Variants in SLC22A12 observed in about 807,000 individuals in gnomAD.
The protein encoded by SLC22A12 is solute carrier family 22 member 12.
SLC22A12 carries 56 observed loss-of-function variants against 52.7 expected under a neutral mutation model. The observed-to-expected ratio is 1.06, with a 90% CI of 0.86 to 1.33. The LOEUF is 1.33. Ranked by LOEUF, SLC22A12 falls within the 40% of genes most tolerant of loss-of-function variation. The pLI is 0.00. For missense variants in SLC22A12, 683 were observed against 741.5 expected (o/e 0.92, Z 0.92); for synonymous variants, 337 against 324.6 (o/e 1.04, Z -0.41).
At chr11:64,596,276 A>ATGGGATGGATGGATGGATGGATGGATGGT (rs2039230030) in intron 4 of SLC22A12, among the ~76,000 whole-genome samples, 1 of 119,180 alleles carries the variant, frequency 8.4e-6, no homozygotes, top group Non-Finnish European at 1.7e-5. Flanking sequence ...GGATGGATGG[A>ATGGGATGGATGGATGGATGGATGGATGGT]TGGATGGATG....
At position 64,599,775 on chromosome 11, in the gene SLC22A12, C is replaced by T. The variant is rs565805457; in HGVS notation, c.1170C>T (p.Ile390=). 6.2e-7 allele frequency: 1 copy of T among 1,612,944 alleles called. No homozygotes were observed. Residue 390 remains isoleucine, a synonymous_variant, in exon 7 of 10, where the codon ATC becomes ATT. Transcript: ENST00000377574. ...AAATGTTCATTGGTGTCGTGGACATCCCAGCCAAGATGGGCGCCCTGCTGC... is the reference window on the plus strand; with the variant it reads ...AAATGTTCATTGGTGTCGTGGACATTCCAGCCAAGATGGGCGCCCTGCTGC... The part of the protein sequence containing the change: ...LLQMFIGVVD[I]PAKMGALLLL...
chr11:64,601,553 C>T lies in SLC22A12; in HGVS notation c.*2C>T, dbSNP rs1565143007. ...GTCCTAAAATCCACACAGTTTTAGC[C>T]TCCTGGGGAACCTGCGATGGGACGG... On this transcript the variant is annotated 3_prime_UTR_variant, in exon 10 of 10. Coordinates refer to ENST00000377574, the MANE Select transcript of SLC22A12 (RefSeq NM_144585.4). 6.2e-7 allele frequency: 1 copy of T among 1,613,906 alleles called. No individual in the cohort carries two copies. Among genetic ancestry groups the T allele is most frequent in the Non-Finnish European group, 8.5e-7 (1 of 1,179,916 alleles).
chr11:64,598,824 T>C lies in SLC22A12; in HGVS notation c.971T>C (p.Met324Thr), dbSNP rs755277288. 3 of 1,612,514 alleles carry C rather than the reference T, an allele frequency of 1.9e-6. No homozygotes were observed. Among genetic ancestry groups the C allele is most frequent in the East Asian group, 4.5e-5 (2 of 44,868 alleles). ...TLTPEVLLSA[M>T]REELSMGQPP... Reference sequence around the variant, plus strand: ...CCTCCACAGGTCTTGCTTTCAGCCATGCGGGAGGAGCTGAGCATGGGCCAG... The same window carrying C: ...CCTCCACAGGTCTTGCTTTCAGCCACGCGGGAGGAGCTGAGCATGGGCCAG... Residue 324 changes from methionine (M) to threonine (T), a missense_variant, in exon 6 of 10, where the codon ATG becomes ACG. Met to Thr is a moderately conservative substitution (Grantham distance 81, BLOSUM62 -1). Coordinates refer to ENST00000377574, the MANE Select transcript of SLC22A12 (RefSeq NM_144585.4).
chr11:64,600,874 G>A lies in SLC22A12; in HGVS notation c.1534G>A (p.Ala512Thr), dbSNP rs759924740. The A allele has an allele frequency of 2.7e-5, 44 of 1,609,206 alleles. No individual in the cohort carries two copies. The Admixed American group carries it at 4.5e-4, about 16-fold the overall frequency. ...GTVPVLSGLA[A>T]LLLPETQSLP... ...GGTGCCAGTGCTGAGTGGCCTGGCC[G>A]CACTGCTTCTGCCCGAGACCCAGAG... is the stretch of plus-strand genomic sequence containing the variant. The change falls in exon 9 of 10, where the codon GCA (alanine) becomes ACA (threonine). Residue 512 changes from alanine to threonine, a missense_variant. Coordinates refer to ENST00000377574, the MANE Select transcript of SLC22A12 (RefSeq NM_144585.4).
chr11:64,598,499 CG>C lies in SLC22A12; in HGVS notation c.831-16del. The C allele has an allele frequency of 1.9e-6, 3 of 1,562,036 alleles. No individual in the cohort carries two copies. The highest frequency in any genetic ancestry group is 2.6e-6 in the Non-Finnish European group (3 of 1,154,410). ...GGGCCACAGGCAATGACCCCTCCCA[CG>C]CCCCCTCCACTTAAGGTGGCTGGCA... On this transcript the variant is annotated splice_polypyrimidine_tract_variant and intron_variant, in intron 4 of 9. Coordinates refer to ENST00000377574, the MANE Select transcript of SLC22A12 (RefSeq NM_144585.4).
At chr11:64,595,209 AATAG>A (rs757240176) in intron 4 of SLC22A12, among the ~76,000 whole-genome samples, 2 of 28,314 alleles carry the variant, frequency 7.1e-5, no homozygotes, top group African/African-American at 2.2e-4. Flanking sequence ...GGATGTTTGG[AATAG>A]ATGGATGGAT....
chr11:64,601,799 T>G lies in SLC22A12; in HGVS notation c.*248T>G. ...GAGGTGACCCAGTGCACCATCACCC[T>G]GCCCTGCCCTCGTGGCTTCGGAGAG... is the stretch of plus-strand genomic sequence containing the variant. On this transcript the variant is annotated 3_prime_UTR_variant, in exon 10 of 10. Transcript: ENST00000377574. 2.0e-6 allele frequency: 1 copy of G among 494,020 alleles called. No individual in the cohort carries two copies. The highest frequency in any genetic ancestry group is 3.7e-6 in the Non-Finnish European group (1 of 269,532). The allele number at this position is 494,020 out of a possible 1,614,324, so 30.6% of individuals were successfully genotyped here.
intron 2 of SLC22A12, 102 bp downstream of exon 2, chr11:64,592,984 T>A: frequency 9.2e-7 from 1 of 1,082,724 alleles, no homozygotes; most frequent in Non-Finnish European, 1.4e-6. Context: ...AAACCAAGTC[T>A]AGAAAGCGCC....
chr11:64,598,711 A>G (rs2039336407), intron 5 of SLC22A12, 72 bp downstream of exon 5: 1 of 1,600,190 alleles, frequency 6.2e-7, no homozygotes, highest in East Asian at 2.3e-5. Flanking sequence ...ACCCTGGGAG[A>G]CCCACCAAGG....
At chr11:64,598,099 C>T (rs959673119) in intron 4 of SLC22A12, among the ~76,000 whole-genome samples, 1 of 152,022 alleles carries the variant, frequency 6.6e-6, no homozygotes, top group African/African-American at 2.4e-5. Flanking sequence ...GGACCCCAGT[C>T]GCCTTGGAGA....
Position 64,593,789 on chromosome 11 carries a change from C to T in SLC22A12, c.816C>T (p.Cys272=). ...QLVVSVPFFL[C]FLYSWWLAES... is the part of the protein sequence containing the mutation. ...TGGTCTCGGTCCCCTTCTTCCTCTG[C>T]TTTTTGTACTCCTGGTGGGTGCTGT... is the stretch of plus-strand genomic sequence containing the variant. Residue 272 remains cysteine (C), a synonymous_variant, in exon 4 of 10, where the codon TGC becomes TGT. Transcript: ENST00000377574. 1 of 1,606,758 alleles carries T rather than the reference C, an allele frequency of 6.2e-7. No homozygotes were observed. The highest frequency in any genetic ancestry group is 8.5e-7 in the Non-Finnish European group (1 of 1,179,962).
At chr11:64,592,590 A>C (rs965988190) in intron 1 of SLC22A12, among the ~76,000 whole-genome samples, 189 bp from the exon 2 acceptor site, 5 of 152,074 alleles carry the variant, frequency 3.3e-5, no homozygotes, top group Non-Finnish European at 7.4e-5. Context: ...GTGGCAGGAT[A>C]TACTCCTCAA....
chr11:64,599,750 A>T lies in SLC22A12; in HGVS notation c.1145A>T (p.Gln382Leu), dbSNP rs765990518. Residue 382 changes from glutamine (Q) to leucine (L), a missense_variant, in exon 7 of 10, where the codon CAA becomes CTA. Coordinates refer to ENST00000377574, the MANE Select transcript of SLC22A12 (RefSeq NM_144585.4). ...CTGGGCAGCAACATCTTCCTGCTCCAAATGTTCATTGGTGTCGTGGACATC... is the reference window on the plus strand; with the variant it reads ...CTGGGCAGCAACATCTTCCTGCTCCTAATGTTCATTGGTGTCGTGGACATC... Reference protein sequence around the residue: ...QALGSNIFLLQMFIGVVDIPA... With the variant: ...QALGSNIFLLLMFIGVVDIPA... 49 of 1,611,934 alleles carry T rather than the reference A, an allele frequency of 3.0e-5. No homozygotes were observed. In the East Asian group the frequency reaches 1.1e-3, roughly 36 times the overall value.
Position 64,598,664 on chromosome 11 carries a change from C to A in SLC22A12, c.954+25C>A, listed in dbSNP as rs751615513. 13 of 1,605,886 alleles carry A rather than the reference C, an allele frequency of 8.1e-6. No homozygotes were observed. The Admixed American group carries it at 1.0e-4, about 13-fold the overall frequency. On this transcript the variant is annotated intron_variant, in intron 5 of 9. Transcript: ENST00000377574. Reference sequence around the variant, plus strand: ...GGTAAGGCTGGGTCCTCCTCAAACCCGGACCCTCAGACCCTCTCCCTGCCC... The same window carrying A: ...GGTAAGGCTGGGTCCTCCTCAAACCAGGACCCTCAGACCCTCTCCCTGCCC...
chr11:64,599,567 A>T, intron 6 of SLC22A12, 109 bp from the exon 7 acceptor site: 1 of 754,186 alleles, frequency 1.3e-6, no homozygotes, highest in Non-Finnish European at 2.1e-6. Flanking sequence ...ACACTGAGCT[A>T]AGAGCAGCAC....
chr11:64,600,962 C>T, intron 9 of SLC22A12, 24 bp downstream of exon 9: 4 of 1,603,252 alleles, frequency 2.5e-6, no homozygotes, highest in Non-Finnish European at 3.4e-6. Context: ...GCCTCGGGAC[C>T]ACCCCTCCCT....
intron 7 of SLC22A12, 45 bp downstream of exon 7, chr11:64,599,935 G>T (rs768146811): frequency 1.3e-6 from 2 of 1,583,492 alleles, no homozygotes; most frequent in Non-Finnish European, 1.7e-6. Flanking sequence ...TACCTTGGGG[G>T]GGTCTCGGGC....
intron 4 of SLC22A12, among the ~76,000 whole-genome samples, chr11:64,597,050 A>G (rs1311505642): frequency 1.3e-5 from 2 of 152,184 alleles, no homozygotes; most frequent in Non-Finnish European, 2.9e-5. Context: ...AATCCCACAC[A>G]TCGTGGCCTC....
chr11:64,593,243 G>A (rs562854618), intron 2 of SLC22A12, among the ~76,000 whole-genome samples, 162 bp from the exon 3 acceptor site: 7 of 152,376 alleles, frequency 4.6e-5, no homozygotes, highest in South Asian at 4.1e-4. Flanking sequence ...CTTGTGCTCC[G>A]GAGGGTTCCG....
Sources: gnomAD v4.1 joint callset for allele counts (sites outside exome capture counted in the v4.1 genomes callset) on GRCh38, gnomAD v4.1.1 for gene constraint, MANE v1.5 for transcripts, NCBI Gene and HGNC (gene_info 2026-07-23, HGNC 2026-07-21) for gene names.